Variants in MDN1 observed in about 807,000 individuals in gnomAD.
MDN1 encodes the protein midasin AAA ATPase 1.
In MDN1, 266 loss-of-function variants were observed where a neutral mutation model predicts 669.2. The observed-to-expected ratio is 0.40, with a 90% confidence interval of 0.36 to 0.44. MDN1 has a LOEUF of 0.44. Among genes scored for constraint, MDN1 ranks in the 20% least tolerant of loss-of-function variants. MDN1 has a pLI of 1.00. For missense variants in MDN1, 5,940 were observed against 6,754.0 expected (o/e 0.88, Z 4.22); for synonymous variants, 2,385 against 2,457.1 (o/e 0.97, Z 0.87).
In MDN1 at chr6:89,819,597, A is replaced by G; in HGVS notation, c.11T>C (p.Phe4Ser). 1 of 1,601,550 alleles carries G rather than the reference A, an allele frequency of 6.2e-7. No homozygotes were observed. Among genetic ancestry groups the G allele is most frequent in the Admixed American group, 1.7e-5 (1 of 60,006 alleles). ...CGGCGCGGCTGCCACCTCCAGCAAG[A>G]AGTGCTCCATGACCCAGGGCCCTCA... MEH[F>S]LLEVAAAPLR... The change falls in exon 1 of 102, where the codon TTC becomes TCC. Residue 4 changes from phenylalanine (F) to serine (S), a missense_variant. This residue lies in a region of MDN1 where 1,203 missense variants were observed against 1,268.9 expected (regional missense o/e 0.95). Transcript: ENST00000369393.
chr6:89,674,658 A>C, intron 78 of MDN1, 69 bp from the exon 79 acceptor site: 1 of 1,486,360 alleles, frequency 6.7e-7, no homozygotes, highest in Non-Finnish European at 8.9e-7. Context: ...CATTGTTTTA[A>C]AAGAAATTTG....
rs1355118723 is a variant in MDN1 at position 89,745,205 on chromosome 6, C to T, written c.4178+68G>A. The T allele has an allele frequency of 1.0e-5, 14 of 1,364,520 alleles. 1 individual carries two copies. The Middle Eastern group carries it at 6.0e-4, about 59-fold the overall frequency. The allele number at this position is 1,364,520 out of a possible 1,614,324, so 84.5% of individuals were successfully genotyped here. On this transcript the variant is annotated intron_variant, in intron 29 of 101. Coordinates refer to ENST00000369393, the MANE Select transcript of MDN1 (RefSeq NM_014611.3). ...GGGATTAATACTTTCATGAGTTCTT[C>T]AGTGATAACTCAAGTAATCCTATGG...
chr6:89,670,170 A>ATATATATATATTTTTTTTTT (rs1444537561), intron 83 of MDN1, among the ~76,000 whole-genome samples: 17 of 23,374 alleles, frequency 7.3e-4, no homozygotes, highest in Admixed American at 9.6e-4. Flanking sequence ...ATATATATAT[A>ATATATATATATTTTTTTTTT]TTTTTTTTTT....
chr6:89,767,775 G>A lies in MDN1; in HGVS notation c.2144+3786C>T, dbSNP rs1379205647. ...CTCTCAAAAACCTAGGCTGGGGATG[G>A]TGGCTCACACCTGTAATCCCAGCCC... On this transcript the variant is annotated intron_variant, in intron 15 of 101. Transcript: ENST00000369393. Among the ~76,000 whole-genome samples, 6 of 152,112 alleles carry A rather than the reference G, an allele frequency of 3.9e-5. 1 individual carries two copies. In the East Asian group the frequency reaches 7.8e-4, roughly 20 times the overall value.
chr6:89,694,246 T>A, intron 61 of MDN1, 63 bp from the exon 62 acceptor site: 10 of 1,371,370 alleles, frequency 7.3e-6, no homozygotes, highest in Non-Finnish European at 1.0e-5. Context: ...ATGAGGACAA[T>A]GTCCTGGGGA....
chr6:89,681,153 T>G (rs757963728), intron 73 of MDN1, among the ~76,000 whole-genome samples: 4 of 151,854 alleles, frequency 2.6e-5, no homozygotes, highest in Non-Finnish European at 5.9e-5. Flanking sequence ...ATTAACAGTT[T>G]AAATTTCAGG....
rs62417301 is a variant in MDN1 at position 89,690,154 on chromosome 6, C to A, written c.10750-11G>T. 1 of 1,609,060 alleles carries A rather than the reference C, an allele frequency of 6.2e-7. No individual in the cohort carries two copies. On this transcript the variant is annotated splice_polypyrimidine_tract_variant and intron_variant, in intron 64 of 101. Transcript: ENST00000369393. ...AATATCTGCAAAGTCCTATAAATAG[C>A]ATTAGAGCAATTGAACTTTTAAAAA...
chr6:89,788,449 C>T (rs2128326063), intron 7 of MDN1, among the ~76,000 whole-genome samples: 1 of 152,268 alleles, frequency 6.6e-6, no homozygotes, highest in East Asian at 1.9e-4. Context: ...ATGGTACATA[C>T]ACTTCAGGCA....
chr6:89,794,877 A>T, intron 2 of MDN1, 76 bp from the exon 3 acceptor site: 1 of 1,180,912 alleles, frequency 8.5e-7, no homozygotes, highest in Non-Finnish European at 1.2e-6. Context: ...TAATAGGTTT[A>T]TCAGAGTATT....
intron 95 of MDN1, 70 bp from the exon 96 acceptor site, chr6:89,650,917 G>A (rs1808807173): frequency 1.4e-5 from 18 of 1,260,884 alleles, no homozygotes; most frequent in Non-Finnish European, 2.1e-5. Context: ...GCAAGATGCA[G>A]GCTTTAAGCA....
chr6:89,811,921 T>C (rs1183598649), intron 1 of MDN1, among the ~76,000 whole-genome samples: 2 of 152,152 alleles, frequency 1.3e-5, no homozygotes, highest in Non-Finnish European at 2.9e-5. Flanking sequence ...TTTATTTAGG[T>C]AGCTGGGATA....
At chr6:89,803,803 G>A (rs541294440) in intron 1 of MDN1, among the ~76,000 whole-genome samples, 29 of 150,828 alleles carry the variant, frequency 1.9e-4, no homozygotes, top group African/African-American at 6.6e-4. Context: ...GGATGGTCTC[G>A]ATCTCCTGAC....
chr6:89,769,432 G>T (rs1266586505), intron 15 of MDN1, among the ~76,000 whole-genome samples: 1 of 152,156 alleles, frequency 6.6e-6, no homozygotes, highest in Non-Finnish European at 1.5e-5. Context: ...GCTCATGTCT[G>T]TAATCTCAAC....
intron 50 of MDN1, 103 bp downstream of exon 50, chr6:89,710,578 A>C: frequency 3.7e-6 from 2 of 547,274 alleles, no homozygotes; most frequent in Non-Finnish European, 6.2e-6. Flanking sequence ...CTTCTAAAAA[A>C]TACCGTTATG....
chr6:89,757,275 G>A (rs1027330460), intron 19 of MDN1, among the ~76,000 whole-genome samples: 1 of 152,056 alleles, frequency 6.6e-6, no homozygotes, highest in East Asian at 1.9e-4. Context: ...GCTTAGTGGC[G>A]AAAAATAAAA....
chr6:89,770,360 C>T (rs1393702119), intron 15 of MDN1, among the ~76,000 whole-genome samples: 3 of 148,820 alleles, frequency 2.0e-5, no homozygotes, highest in South Asian at 2.1e-4. Context: ...GCAGAGATCG[C>T]GCCACCGCAC....
intron 8 of MDN1, 23 bp from the exon 9 acceptor site, chr6:89,785,149 C>A: frequency 1.9e-6 from 3 of 1,571,042 alleles, no homozygotes; most frequent in Non-Finnish European, 1.8e-6. Flanking sequence ...ATAAAAAACA[C>A]AGTCACACAA....
chr6:89,791,657 A>G (rs1387333450), intron 5 of MDN1, among the ~76,000 whole-genome samples: 2 of 152,144 alleles, frequency 1.3e-5, no homozygotes, highest in Non-Finnish European at 2.9e-5. Flanking sequence ...TTAATGAGAA[A>G]GAATTTCAGC....
intron 1 of MDN1, among the ~76,000 whole-genome samples, chr6:89,813,919 A>C (rs1198544655): frequency 2.1e-5 from 3 of 142,838 alleles, no homozygotes; most frequent in Non-Finnish European, 4.7e-5. Flanking sequence ...TTTCTACCTA[A>C]GATTTAAAAA....
Sources: allele counts gnomAD v4.1 joint callset (sites outside exome capture counted in the v4.1 genomes callset), GRCh38; gene constraint gnomAD v4.1.1; regional missense constraint gnomAD v4.1.1; transcripts MANE v1.5; gene names NCBI Gene and HGNC (gene_info 2026-07-23, HGNC 2026-07-21).